Variants in GHR observed in about 807,000 individuals in gnomAD.
GHR encodes the protein GH receptor.
In GHR, 35 loss-of-function variants were observed where a neutral mutation model predicts 67.1. The observed-to-expected ratio is 0.52, with a 90% confidence interval of 0.40 to 0.69. The LOEUF is 0.69. GHR is among the 30% of genes least tolerant of loss of function. GHR has a pLI of 0.00. For synonymous variants in GHR, 272 were observed against 269.1 expected (o/e 1.01, Z -0.10); for missense variants, 792 against 764.6 (o/e 1.04, Z -0.42).
intron 1 of GHR, among the ~76,000 whole-genome samples, chr5:42,449,807 A>G (rs548905462): frequency 6.6e-5 from 10 of 152,268 alleles, no homozygotes; most frequent in African/African-American, 2.4e-4. Context: ...TGTCCCTTCT[A>G]TGCCAATTTT....
intron 2 of GHR, among the ~76,000 whole-genome samples, chr5:42,626,728 A>G (rs1935904034): frequency 6.6e-6 from 1 of 152,168 alleles, no homozygotes; most frequent in African/African-American, 2.4e-5. Context: ...AGAGATTCGA[A>G]GGATTTTAGG....
chr5:42,583,159 G>T (rs910903576), intron 2 of GHR, among the ~76,000 whole-genome samples: 1 of 152,222 alleles, frequency 6.6e-6, no homozygotes, highest in Non-Finnish European at 1.5e-5. Flanking sequence ...TGATGCTCTG[G>T]AGTGTTTTCT....
intron 1 of GHR, among the ~76,000 whole-genome samples, chr5:42,458,019 A>T (rs1197355222): frequency 6.6e-6 from 1 of 152,240 alleles, no homozygotes; most frequent in African/African-American, 2.4e-5. Flanking sequence ...TTCCTAGAAG[A>T]TACCCATGTA....
intron 1 of GHR, among the ~76,000 whole-genome samples, chr5:42,444,464 C>A (rs1338288044): frequency 6.6e-6 from 1 of 152,170 alleles, no homozygotes; most frequent in African/African-American, 2.4e-5. Flanking sequence ...GGGGCAGAAG[C>A]AATAGTTTCA....
intron 1 of GHR, among the ~76,000 whole-genome samples, chr5:42,456,478 G>A (rs1744266793): frequency 6.6e-6 from 1 of 152,114 alleles, no homozygotes; most frequent in African/African-American, 2.4e-5. Context: ...TTTTCTCCAG[G>A]CATGGGTATA....
At chr5:42,472,195 A>G (rs1402691270) in intron 1 of GHR, among the ~76,000 whole-genome samples, 2 of 152,170 alleles carry the variant, frequency 1.3e-5, no homozygotes, top group South Asian at 2.1e-4. Flanking sequence ...ATCTACAGGA[A>G]GATGATTATT....
chr5:42,587,035 A>C (rs927574572), intron 2 of GHR, among the ~76,000 whole-genome samples: 4 of 152,196 alleles, frequency 2.6e-5, no homozygotes, highest in Non-Finnish European at 5.9e-5. Context: ...AAAAAAAAAA[A>C]AACTCACTGA....
intron 1 of GHR, chr5:42,467,527 G>A: frequency 7.9e-7 from 1 of 1,270,424 alleles, no homozygotes; most frequent in South Asian, 1.2e-5. Context: ...ATAACTAAAG[G>A]CTTTCTCACA....
chr5:42,548,510 C>T (rs1378959525), intron 1 of GHR: 2 of 982,828 alleles, frequency 2.0e-6, no homozygotes, highest in African/African-American at 1.7e-5. Flanking sequence ...TCTATTTCAG[C>T]AATATCTGCC....
At chr5:42,699,689 TAAG>T (rs1354360735) in intron 5 of GHR, 132 bp from the exon 6 acceptor site, 2 of 700,480 alleles carry the variant, frequency 2.9e-6, no homozygotes, top group Non-Finnish European at 5.2e-6. Flanking sequence ...AAAGTTATAA[TAAG>T]AAAAATATTG....
intron 2 of GHR, among the ~76,000 whole-genome samples, chr5:42,597,254 G>A (rs1253876299): frequency 6.6e-6 from 1 of 152,136 alleles, no homozygotes; most frequent in Non-Finnish European, 1.5e-5. Context: ...AGATGCATAA[G>A]AGACATAAGT....
Position 42,719,980 on chromosome 5 carries a change from AGAC to A in GHR, c.*557_*559del. The A allele has an allele frequency of 5.3e-6, 1 of 188,406 alleles. No individual in the cohort carries two copies. Among genetic ancestry groups the A allele is most frequent in the Admixed American group, 5.4e-5 (1 of 18,522 alleles). The allele number at this position is 188,406 out of a possible 1,614,324, so 11.7% of individuals were successfully genotyped here. A position where few individuals can be genotyped will look rare whatever the true frequency, so the allele number is the denominator to read the frequency against. ...GTTGATAAAGATTTTTTAATAATTT[AGAC>A]TTCAAGCATGGCTATTTTATATTAC... On this transcript the variant is annotated 3_prime_UTR_variant, in exon 10 of 10. Transcript: ENST00000230882.
At chr5:42,586,618 G>A (rs1237439944) in intron 2 of GHR, among the ~76,000 whole-genome samples, 9 of 152,176 alleles carry the variant, frequency 5.9e-5, no homozygotes, top group Non-Finnish European at 2.9e-5. Flanking sequence ...GCTCAATTTT[G>A]TACAGGTGAC....
Position 42,536,798 on chromosome 5 carries a change from C to G in GHR, c.-11-29066C>G, listed in dbSNP as rs546050467. Among the ~76,000 whole-genome samples, 16 of 152,044 alleles carry G rather than the reference C, an allele frequency of 1.1e-4. No homozygotes were observed. The South Asian group carries it at 3.1e-3, about 30-fold the overall frequency. On this transcript the variant is annotated intron_variant, in intron 1 of 9. Coordinates refer to ENST00000230882, the MANE Select transcript of GHR (RefSeq NM_000163.5). The stretch of plus-strand genomic sequence containing the variant: ...TGCTGTGAATCCATCTGGTCCTGGG[C>G]TTTTTGTCGGTAAGCCTTTAATTAC...
At chr5:42,425,045 G>C in intron 1 of GHR, 1 of 982,618 alleles carries the variant, frequency 1.0e-6, no homozygotes, top group East Asian at 1.1e-4. Context: ...AAAGGTAACG[G>C]AAGGCCAAAG....
chr5:42,697,617 C>T (rs183052532), intron 5 of GHR, among the ~76,000 whole-genome samples: 4 of 152,200 alleles, frequency 2.6e-5, no homozygotes, highest in Admixed American at 2.6e-4. Context: ...AGCAGGCCGG[C>T]GGTGGAGTGG....
intron 1 of GHR, among the ~76,000 whole-genome samples, chr5:42,476,517 C>T (rs1745329503): frequency 6.6e-6 from 1 of 152,160 alleles, no homozygotes. Context: ...CTGCACCTGG[C>T]CTAAATTCTT....
At chr5:42,425,096 T>A in intron 1 of GHR, 1 of 762,756 alleles carries the variant, frequency 1.3e-6, no homozygotes, top group Non-Finnish European at 1.6e-6. Flanking sequence ...GATTAAGTAT[T>A]AAGGGCTTTA....
intron 5 of GHR, among the ~76,000 whole-genome samples, chr5:42,696,007 A>C (rs1757655334): frequency 6.6e-6 from 1 of 152,266 alleles, no homozygotes; most frequent in Admixed American, 6.5e-5. Flanking sequence ...GAACTGTATC[A>C]AGCAGTAAAG....
Sources: gnomAD v4.1 joint callset for allele counts (sites outside exome capture counted in the v4.1 genomes callset) on GRCh38, gnomAD v4.1.1 for gene constraint, MANE v1.5 for transcripts, NCBI Gene and HGNC (gene_info 2026-07-23, HGNC 2026-07-21) for gene names.